Variants in TBC1D5 observed in about 807,000 individuals in gnomAD.
TBC1D5 encodes the protein TBC1 domain family member 5, also known as TBC1 domain family, member 5.
In TBC1D5, 75 loss-of-function variants were observed where a neutral mutation model predicts 100.3. The ratio of observed to expected loss-of-function variants is 0.75; its 90% CI spans 0.62 to 0.91. TBC1D5 has a LOEUF of 0.91. Among genes scored for constraint, TBC1D5 ranks in the 40% least tolerant of loss-of-function variants. The pLI is 0.00. For synonymous variants in TBC1D5, 323 were observed against 325.6 expected (o/e 0.99, Z 0.09); for missense variants, 910 against 942.4 (o/e 0.97, Z 0.45).
intron 2 of TBC1D5, among the ~76,000 whole-genome samples, chr3:17,578,747 G>T (rs1227810927): frequency 6.6e-6 from 1 of 151,780 alleles, no homozygotes; most frequent in Non-Finnish European, 1.5e-5. Flanking sequence ...ATTTCACATA[G>T]GAAATAATGA....
chr3:17,346,310 A>C (rs533205132), intron 13 of TBC1D5, among the ~76,000 whole-genome samples: 1 of 152,288 alleles, frequency 6.6e-6, no homozygotes, highest in South Asian at 2.1e-4. Context: ...TAATAAGCAA[A>C]TATGACATAC....
chr3:17,315,259 T>C (rs1053699275), intron 13 of TBC1D5, among the ~76,000 whole-genome samples: 5 of 152,356 alleles, frequency 3.3e-5, no homozygotes, highest in Admixed American at 2.6e-4. Context: ...TAGAATTCTA[T>C]CTGTATTAAT....
chr3:17,694,492 T>A (rs2071689367), intron 1 of TBC1D5, among the ~76,000 whole-genome samples: 1 of 152,050 alleles, frequency 6.6e-6, no homozygotes, highest in Non-Finnish European at 1.5e-5. Context: ...GAAGAAAGGG[T>A]ATCAGTGATT....
intron 1 of TBC1D5, among the ~76,000 whole-genome samples, chr3:17,691,184 A>G (rs1351201754): frequency 6.6e-6 from 1 of 152,200 alleles, no homozygotes; most frequent in Non-Finnish European, 1.5e-5. Flanking sequence ...CTCAAGGGGT[A>G]CATCCTCATG....
At chr3:17,234,881 T>G (rs1379859031) in intron 17 of TBC1D5, among the ~76,000 whole-genome samples, 3 of 152,130 alleles carry the variant, frequency 2.0e-5, no homozygotes, top group Non-Finnish European at 2.9e-5. Context: ...CATCATCAAT[T>G]AACAGTACAC....
chr3:17,501,060 T>G (rs907415843), intron 3 of TBC1D5, among the ~76,000 whole-genome samples: 2 of 149,804 alleles, frequency 1.3e-5, no homozygotes, highest in Non-Finnish European at 1.5e-5. Context: ...TCCTTGTTAC[T>G]GCATTCAGAA....
At chr3:17,577,316 G>C (rs921502068) in intron 2 of TBC1D5, among the ~76,000 whole-genome samples, 1 of 151,938 alleles carries the variant, frequency 6.6e-6, no homozygotes, top group African/African-American at 2.4e-5. Context: ...TTACATCTTA[G>C]TACTTTAAAG....
At chr3:17,176,379 C>T (rs902762198) in intron 19 of TBC1D5, among the ~76,000 whole-genome samples, 2 of 152,186 alleles carry the variant, frequency 1.3e-5, no homozygotes, top group Non-Finnish European at 2.9e-5. Flanking sequence ...ACACAAAGGA[C>T]ATTTGCCCCT....
intron 2 of TBC1D5, among the ~76,000 whole-genome samples, chr3:17,517,092 G>C (rs1248782186): frequency 6.6e-6 from 1 of 152,084 alleles, no homozygotes; most frequent in East Asian, 1.9e-4. Context: ...ATAAAATCCA[G>C]AATCAAAACC....
intron 3 of TBC1D5, among the ~76,000 whole-genome samples, chr3:17,476,090 G>A (rs1322687429): frequency 6.6e-6 from 1 of 151,812 alleles, no homozygotes; most frequent in Non-Finnish European, 1.5e-5. Context: ...CCTCTTGGAT[G>A]CTAAACTTTT....
At chr3:17,299,177 T>C (rs1201800314) in intron 14 of TBC1D5, among the ~76,000 whole-genome samples, 2 of 152,162 alleles carry the variant, frequency 1.3e-5, no homozygotes, top group Admixed American at 6.5e-5. Flanking sequence ...GCTTTGATAA[T>C]CAAGATTGCT....
intron 1 of TBC1D5, among the ~76,000 whole-genome samples, chr3:17,696,508 G>C (rs945284968): frequency 6.6e-6 from 1 of 152,152 alleles, no homozygotes; most frequent in Non-Finnish European, 1.5e-5. Flanking sequence ...AGAAGAAATA[G>C]ATGAATTCCT....
At chr3:17,323,243 A>G (rs973196099) in intron 13 of TBC1D5, among the ~76,000 whole-genome samples, 2 of 152,246 alleles carry the variant, frequency 1.3e-5, no homozygotes, top group Non-Finnish European at 2.9e-5. Context: ...TTTTGAAGAT[A>G]TGAGATGCAG....
At chr3:17,191,635 G>A (rs2069909015) in intron 18 of TBC1D5, among the ~76,000 whole-genome samples, 1 of 151,780 alleles carries the variant, frequency 6.6e-6, no homozygotes, top group African/African-American at 2.4e-5. Context: ...TATTTTTTTT[G>A]AGACAGAGTC....
chr3:17,438,676 G>A (rs2094581733), intron 3 of TBC1D5, among the ~76,000 whole-genome samples: 1 of 152,138 alleles, frequency 6.6e-6, no homozygotes, highest in Non-Finnish European at 1.5e-5. Flanking sequence ...CTTCATAGCA[G>A]TGTGAGCACA....
intron 1 of TBC1D5, among the ~76,000 whole-genome samples, chr3:17,631,008 C>T (rs1407037215): frequency 1.4e-5 from 2 of 143,278 alleles, no homozygotes; most frequent in African/African-American, 2.6e-5. Context: ...GGCACCACTG[C>T]ACTCTAGCCT....
chr3:17,468,141 C>T (rs2095330375), intron 3 of TBC1D5, among the ~76,000 whole-genome samples: 1 of 152,198 alleles, frequency 6.6e-6, no homozygotes, highest in South Asian at 2.1e-4. Context: ...GATGGCAATT[C>T]AGCCAACCAG....
chr3:17,567,167 ATT>A (rs1056988889), intron 2 of TBC1D5, among the ~76,000 whole-genome samples: 1 of 151,796 alleles, frequency 6.6e-6, no homozygotes, highest in African/African-American at 2.4e-5. Flanking sequence ...CAAGTAAATC[ATT>A]TTGTTTCTAA....
chr3:17,736,131 G>T (rs2076947244), intron 1 of TBC1D5, among the ~76,000 whole-genome samples: 1 of 152,146 alleles, frequency 6.6e-6, no homozygotes, highest in Non-Finnish European at 1.5e-5. Flanking sequence ...TGTGTTTAAA[G>T]GCAGATGCAG....
Sources: gnomAD v4.1 joint callset for allele counts (sites outside exome capture counted in the v4.1 genomes callset) on GRCh38, gnomAD v4.1.1 for gene constraint, MANE v1.5 for transcripts, NCBI Gene and HGNC (gene_info 2026-07-23, HGNC 2026-07-21) for gene names.